The following STRIP2 variants were observed in gnomAD, a reference collection of about 807,000 sequenced individuals.
STRIP2 encodes the protein striatin interacting protein 2, also known as striatin-interacting protein 2.
Under a neutral mutation model 107.1 loss-of-function variants are expected in STRIP2, and 84 were observed. The ratio of observed to expected loss-of-function variants is 0.78; its 90% CI spans 0.66 to 0.94. The LOEUF is 0.94. STRIP2 is among the 40% of genes least tolerant of loss of function. The pLI is 0.00. For missense variants in STRIP2, 888 were observed against 1,034.2 expected, an observed-to-expected ratio of 0.86 and a Z score of 1.94; for synonymous variants, 394 against 400.4, an observed-to-expected ratio of 0.98 and a Z score of 0.19.
At chr7:129,445,882 A>G (rs916158297) in intron 3 of STRIP2, among the ~76,000 whole-genome samples, 2 of 152,158 alleles carry the variant, frequency 1.3e-5, no homozygotes, top group Non-Finnish European at 2.9e-5. Flanking sequence ...TGCTTGCAGG[A>G]TAGGCAAACC....
At chr7:129,477,144 C>T (rs954835617) in intron 18 of STRIP2, among the ~76,000 whole-genome samples, 2 of 135,970 alleles carry the variant, frequency 1.5e-5, no homozygotes, top group Non-Finnish European at 1.5e-5. Flanking sequence ...AGCTTCCGCT[C>T]GGCATCAGAG....
chr7:129,478,907 C>T (rs2151018232), intron 18 of STRIP2, among the ~76,000 whole-genome samples: 1 of 152,264 alleles, frequency 6.6e-6, no homozygotes, highest in South Asian at 2.1e-4. Flanking sequence ...TATTGAAAAT[C>T]AGGATGAAGG....
At chr7:129,454,583 C>T in intron 7 of STRIP2, 56 bp downstream of exon 7, 1 of 1,104,732 alleles carries the variant, frequency 9.1e-7, no homozygotes, top group South Asian at 1.2e-5. Flanking sequence ...AGAGGGGAAG[C>T]AGAGCATCTG....
In STRIP2 at chr7:129,460,288, T is replaced by C. The variant is rs1440544164; in HGVS notation, c.1405-13T>C. 3.1e-6 allele frequency: 5 copies of C among 1,612,614 alleles called. No homozygotes were observed. The highest frequency in any genetic ancestry group is 4.2e-6 in the Non-Finnish European group (5 of 1,179,282). On this transcript the variant is annotated splice_polypyrimidine_tract_variant and intron_variant, in intron 12 of 20. Transcript: ENST00000249344. Reference sequence around the variant, plus strand: ...GCCCTCAGCCCTTGTTGATGTCTTCTTATCTTTGTCAGCACAAGTATATCT... The same window carrying C: ...GCCCTCAGCCCTTGTTGATGTCTTCCTATCTTTGTCAGCACAAGTATATCT...
At chr7:129,479,294 A>T (rs1799055558) in intron 18 of STRIP2, among the ~76,000 whole-genome samples, 1 of 151,670 alleles carries the variant, frequency 6.6e-6, no homozygotes, top group South Asian at 2.1e-4. Context: ...AAAAAAATGT[A>T]AAAGTCTCCC....
intron 8 of STRIP2, 66 bp downstream of exon 8, chr7:129,455,437 T>C: frequency 1.3e-6 from 2 of 1,549,244 alleles, no homozygotes; most frequent in Non-Finnish European, 1.7e-6. Flanking sequence ...CAGTTTCTTC[T>C]AGTCTCATTC....
At chr7:129,436,157 A>G (rs944973477) in intron 1 of STRIP2, among the ~76,000 whole-genome samples, 1 of 152,218 alleles carries the variant, frequency 6.6e-6, no homozygotes, top group Non-Finnish European at 1.5e-5. Flanking sequence ...GCCATTCATT[A>G]ATTCAACAAT....
intron 9 of STRIP2, 100 bp downstream of exon 9, chr7:129,456,742 G>A (rs1409161322): frequency 4.3e-5 from 50 of 1,159,078 alleles, no homozygotes; most frequent in Non-Finnish European, 5.5e-5. Context: ...TAAATGACCC[G>A]GCTCATCCTG....
intron 19 of STRIP2, among the ~76,000 whole-genome samples, 157 bp from the exon 20 acceptor site, chr7:129,482,685 A>G (rs780582633): frequency 6.6e-6 from 1 of 151,880 alleles, no homozygotes; most frequent in African/African-American, 2.4e-5. Context: ...GCCCCCCTCT[A>G]TATTCTTGAA....
chr7:129,476,577 C>A (rs1412415642), intron 18 of STRIP2, among the ~76,000 whole-genome samples: 1 of 150,380 alleles, frequency 6.6e-6, no homozygotes, highest in Non-Finnish European at 1.5e-5. Context: ...ACATCCCAGA[C>A]GGGGCGGAGG....
chr7:129,446,452 T>A (rs1375628287), intron 3 of STRIP2, among the ~76,000 whole-genome samples: 3 of 152,168 alleles, frequency 2.0e-5, no homozygotes, highest in African/African-American at 7.2e-5. Context: ...TAATCGCACA[T>A]CTTACCATTT....
intron 1 of STRIP2, among the ~76,000 whole-genome samples, chr7:129,439,105 C>T (rs2150985515): frequency 6.6e-6 from 1 of 152,264 alleles, no homozygotes; most frequent in African/African-American, 2.4e-5. Flanking sequence ...GGGGGTGGTG[C>T]TGAAAGTTAA....
At chr7:129,477,213 G>GGAGGGGGGGGGAGAGGGA (rs1554384105) in intron 18 of STRIP2, among the ~76,000 whole-genome samples, 1 of 29,100 alleles carries the variant, frequency 3.4e-5, no homozygotes, top group Non-Finnish European at 6.9e-5. Flanking sequence ...AGGGGGAGGG[G>GGAGGGGGGGGGAGAGGGA]GAGGGAGACT....
chr7:129,434,764 C>T (rs949215620), intron 1 of STRIP2, among the ~76,000 whole-genome samples, 163 bp downstream of exon 1: 1 of 152,254 alleles, frequency 6.6e-6, no homozygotes, highest in African/African-American at 2.4e-5. Context: ...GGCTCTTTGG[C>T]CCGGACCAGT....
chr7:129,478,135 G>A (rs180876557), intron 18 of STRIP2: 74 of 255,366 alleles, frequency 2.9e-4, no homozygotes, highest in South Asian at 1.1e-3. Context: ...GAAATTCCAC[G>A]TCCCCTCTCC....
At chr7:129,454,376 TG>T in intron 6 of STRIP2, 44 bp from the exon 7 acceptor site, 1 of 1,540,916 alleles carries the variant, frequency 6.5e-7, no homozygotes, top group Non-Finnish European at 9.0e-7. Flanking sequence ...GACTATGGGC[TG>T]GGAATTGCCT....
At position 129,434,453 on chromosome 7, in the gene STRIP2, G is replaced by T. The variant is rs1335305385; in HGVS notation, c.-20G>T. The T allele has an allele frequency of 1.3e-6, 2 of 1,497,898 alleles. No individual in the cohort carries two copies. Among genetic ancestry groups the T allele is most frequent in the South Asian group, 1.3e-5 (1 of 79,788 alleles). 92.8% of individuals were successfully genotyped at this position (1,497,898 alleles called of 1,614,324 possible). A position where few individuals can be genotyped will look rare whatever the true frequency, so the allele number is the denominator to read the frequency against. On this transcript the variant is annotated 5_prime_UTR_variant, in exon 1 of 21. Transcript: ENST00000249344. ...CCGGCAAAGCGAGCTGAACCCTGAG[G>T]GGAGCCGCTGACCAGCAGCATGGAG... is the stretch of plus-strand genomic sequence containing the variant.
chr7:129,442,401 C>T (rs944872449), intron 2 of STRIP2, among the ~76,000 whole-genome samples: 1 of 152,100 alleles, frequency 6.6e-6, no homozygotes, highest in African/African-American at 2.4e-5. Context: ...GTGAAGGATA[C>T]ACACCAATTT....
chr7:129,434,555 C>T lies in STRIP2; in HGVS notation c.83C>T (p.Ala28Val), dbSNP rs1350725539. 3 of 1,517,354 alleles carry T rather than the reference C, an allele frequency of 2.0e-6. No homozygotes were observed. Among genetic ancestry groups the T allele is most frequent in the African/African-American group, 2.8e-5 (2 of 70,210 alleles). 94.0% of individuals were successfully genotyped at this position (1,517,354 alleles called of 1,614,324 possible). A position where few individuals can be genotyped will look rare whatever the true frequency, so the allele number is the denominator to read the frequency against. Residue 28 changes from alanine to valine, a missense_variant, in exon 1 of 21, where the codon GCG (alanine) becomes GTG (valine). By Grantham distance (64) the Ala-to-Val change is moderately conservative. Transcript: ENST00000249344. ...GGCGGCGGCAAAGGGAAGCAGGCGG[C>T]GCCCAAGGGCCGCGAAGCGTTCCGA... ...GNGGGKGKQA[A>V]PKGREAFRSQ...
Sources: allele counts gnomAD v4.1 joint callset (sites outside exome capture counted in the v4.1 genomes callset), GRCh38; gene constraint gnomAD v4.1.1; transcripts MANE v1.5; gene names NCBI Gene and HGNC (gene_info 2026-07-23, HGNC 2026-07-21).